The following MPP7 variants were observed in gnomAD, a reference collection of about 807,000 sequenced individuals.
The protein encoded by MPP7 is MAGUK p55 scaffold protein 7.
In MPP7, 60 loss-of-function variants were observed where a neutral mutation model predicts 76.5. The ratio of observed to expected loss-of-function variants is 0.78; its 90% CI spans 0.64 to 0.97. MPP7 has a LOEUF of 0.97. MPP7 is among the 50% of genes least tolerant of loss of function. MPP7 has a pLI of 0.00. For synonymous variants in MPP7, 237 were observed against 244.5 expected (o/e 0.97, Z 0.29); for missense variants, 641 against 694.0 (o/e 0.92, Z 0.86).
At chr10:28,194,204 T>C (rs1824173) in intron 3 of MPP7, among the ~76,000 whole-genome samples, 125,119 of 151,698 alleles carry the variant, frequency 0.82, 52,220 homozygotes, top group African/African-American at 0.89. Flanking sequence ...CTAGTAGAGA[T>C]AGGGTTTCAC....
At chr10:28,323,123 A>G (rs1834381376) in intron 2 of MPP7, among the ~76,000 whole-genome samples, 1 of 152,104 alleles carries the variant, frequency 6.6e-6, no homozygotes, top group Admixed American at 6.5e-5. Flanking sequence ...CGTCTCTACT[A>G]AAAATACAAA....
At chr10:28,245,924 A>G (rs1037742105) in intron 1 of MPP7, among the ~76,000 whole-genome samples, 1 of 152,042 alleles carries the variant, frequency 6.6e-6, no homozygotes, top group Non-Finnish European at 1.5e-5. Flanking sequence ...AGTATAGATC[A>G]TATGACACTA....
rs1157490835 is a variant in MPP7 at position 28,054,169 on chromosome 10, T to C, written c.1627A>G (p.Ile543Val). The C allele has an allele frequency of 1.2e-6, 2 of 1,607,738 alleles. No individual in the cohort carries two copies. Among genetic ancestry groups the C allele is most frequent in the Admixed American group, 3.3e-5 (2 of 59,908 alleles). ...SQYGHLFDKI[I>V]INDDLTVAFN... ...GCCACAGTGAGGTCATCATTTATTA[T>C]AATTTTGTCAAAAAGATGACCATAT... is the stretch of plus-strand genomic sequence containing the variant. Residue 543 changes from isoleucine to valine, a missense_variant, in exon 17 of 17, where the codon ATA (isoleucine) becomes GTA (valine). Transcript: ENST00000683449.
At chr10:28,119,823 A>T in intron 10 of MPP7, 108 bp from the exon 11 acceptor site, 1 of 827,654 alleles carries the variant, frequency 1.2e-6, no homozygotes, top group Non-Finnish European at 1.9e-6. Flanking sequence ...TAGAGAAAAA[A>T]ATGAATGTAA....
intron 1 of MPP7, among the ~76,000 whole-genome samples, chr10:28,295,903 G>A (rs1224706620): frequency 6.6e-6 from 1 of 152,110 alleles, no homozygotes; most frequent in Non-Finnish European, 1.5e-5. Context: ...GTTGTTAAAG[G>A]GATGGAAGAA....
intron 13 of MPP7, among the ~76,000 whole-genome samples, chr10:28,064,059 C>T (rs1851897813): frequency 1.3e-5 from 2 of 152,146 alleles, no homozygotes; most frequent in Non-Finnish European, 2.9e-5. Context: ...ACCGTATGGC[C>T]TCAGCATTCC....
chr10:28,171,362 C>T (rs1225434914), intron 3 of MPP7, among the ~76,000 whole-genome samples: 1 of 152,140 alleles, frequency 6.6e-6, no homozygotes, highest in African/African-American at 2.4e-5. Context: ...GCCACCTTTA[C>T]TTCCTTTTTA....
chr10:28,151,794 C>T (rs1452463805), intron 3 of MPP7, among the ~76,000 whole-genome samples: 1 of 152,202 alleles, frequency 6.6e-6, no homozygotes, highest in Non-Finnish European at 1.5e-5. Context: ...AGCCATCTGG[C>T]TCAGTGCTGG....
rs998017524 is a variant in MPP7 at position 28,277,815 on chromosome 10, G to C, written c.-132+25046C>G. Among the ~76,000 whole-genome samples, 24 of 151,998 alleles carry C rather than the reference G, an allele frequency of 1.6e-4. 3 individuals carry two copies. Among genetic ancestry groups the C allele is most frequent in the African/African-American group, 5.6e-4 (23 of 41,300 alleles). On this transcript the variant is annotated intron_variant, in intron 1 of 16. Coordinates refer to ENST00000683449, the MANE Select transcript of MPP7 (RefSeq NM_001318170.2). ...GAGAATGTCAAAGGGGAAAAGAGCA[G>C]GTCTGAAAGTGAAAAATTAAAGAGG...
intron 3 of MPP7, among the ~76,000 whole-genome samples, chr10:28,161,868 G>A (rs922367590): frequency 6.6e-6 from 1 of 152,128 alleles, no homozygotes; most frequent in Admixed American, 6.5e-5. Flanking sequence ...AAATTGTTAT[G>A]CCTTTCTTCT....
At chr10:28,281,889 C>T (rs1264040401) in intron 1 of MPP7, 1 of 152,082 alleles carries the variant, frequency 6.6e-6, no homozygotes, top group Non-Finnish European at 1.5e-5. Flanking sequence ...ATGGCCCTAA[C>T]GTTTTCAGTT....
chr10:28,154,399 A>C (rs1224857263), intron 3 of MPP7, among the ~76,000 whole-genome samples: 3 of 152,210 alleles, frequency 2.0e-5, no homozygotes. Flanking sequence ...AATGTAAAGA[A>C]ATAAAGCCTT....
At chr10:28,298,877 G>A (rs1246976234) in intron 1 of MPP7, among the ~76,000 whole-genome samples, 1 of 152,116 alleles carries the variant, frequency 6.6e-6, no homozygotes, top group Non-Finnish European at 1.5e-5. Context: ...TTTACATTAG[G>A]GAAGCAGCTT....
chr10:28,139,205 T>C (rs979238681), intron 5 of MPP7, among the ~76,000 whole-genome samples: 1 of 152,222 alleles, frequency 6.6e-6, no homozygotes, highest in African/African-American at 2.4e-5. Flanking sequence ...AGAAAGAGCA[T>C]GGAGGAGGTA....
At chr10:28,283,130 G>A (rs1840719318) in intron 1 of MPP7, among the ~76,000 whole-genome samples, 1 of 151,964 alleles carries the variant, frequency 6.6e-6, no homozygotes, top group African/African-American at 2.4e-5. Flanking sequence ...GCCAAAATAG[G>A]TGAAACTTGT....
chr10:28,155,689 T>A (rs1301261714), intron 3 of MPP7, among the ~76,000 whole-genome samples: 1 of 151,942 alleles, frequency 6.6e-6, no homozygotes, highest in Non-Finnish European at 1.5e-5. Flanking sequence ...TTGGACAGAT[T>A]TGGGGAGGAA....
intron 12 of MPP7, among the ~76,000 whole-genome samples, chr10:28,081,338 T>C (rs1852750228): frequency 6.6e-6 from 1 of 152,210 alleles, no homozygotes. Flanking sequence ...ATTACTTTAC[T>C]TTTCAAAAAG....
At chr10:28,075,091 G>A (rs1395366674) in intron 12 of MPP7, among the ~76,000 whole-genome samples, 2 of 151,948 alleles carry the variant, frequency 1.3e-5, no homozygotes, top group East Asian at 1.9e-4. Context: ...CTCATATGGC[G>A]GGAGCAGGAA....
At chr10:28,210,512 T>C (rs898189735) in intron 2 of MPP7, among the ~76,000 whole-genome samples, 1 of 152,180 alleles carries the variant, frequency 6.6e-6, no homozygotes, top group Non-Finnish European at 1.5e-5. Flanking sequence ...AAGGTCAAGA[T>C]AGATTGTGGT....
Sources: gnomAD v4.1 joint callset for allele counts (sites outside exome capture counted in the v4.1 genomes callset) on GRCh38, gnomAD v4.1.1 for gene constraint, MANE v1.5 for transcripts, NCBI Gene and HGNC (gene_info 2026-07-23, HGNC 2026-07-21) for gene names.